The following RPS6KC1 variants were observed in gnomAD, a reference collection of about 807,000 sequenced individuals.
RPS6KC1 encodes ribosomal protein S6 kinase C1.
RPS6KC1 carries 54 observed loss-of-function variants against 103.8 expected under a neutral mutation model. That is an observed-to-expected ratio of 0.52 (90% CI 0.42 to 0.65). RPS6KC1 has a LOEUF of 0.65. RPS6KC1 is among the 30% of genes least tolerant of loss of function. RPS6KC1 has a pLI of 0.00. For synonymous variants in RPS6KC1, 439 were observed against 438.7 expected, an observed-to-expected ratio of 1.00 and a Z score of -0.01; for missense variants, 1,151 against 1,253.8, an observed-to-expected ratio of 0.92 and a Z score of 1.24.
chr1:213,636,106 A>G, the RPS6KC1 span, among the ~76,000 whole-genome samples: 21,331 of 152,158 alleles, frequency 0.14, 2,337 homozygotes, highest in African/African-American at 0.31. Flanking sequence ...CCACTGCTCA[A>G]GGAAATAAAA....
At chr1:213,361,171 G>A in the RPS6KC1 span, among the ~76,000 whole-genome samples, 2 of 152,224 alleles carry the variant, frequency 1.3e-5, no homozygotes, top group African/African-American at 4.8e-5. Context: ...GTCTACAGAG[G>A]TAGGCAGGCC....
the RPS6KC1 span, among the ~76,000 whole-genome samples, chr1:213,284,846 A>T: frequency 2.6e-5 from 4 of 152,336 alleles, no homozygotes; most frequent in South Asian, 8.3e-4. Context: ...AAAGCACATG[A>T]TTTACAAGGG....
At chr1:213,445,880 A>G in the RPS6KC1 span, among the ~76,000 whole-genome samples, 1 of 152,088 alleles carries the variant, frequency 6.6e-6, no homozygotes, top group African/African-American at 2.4e-5. Context: ...GGCTTTCCTA[A>G]TGGGAGGTGT....
chr1:213,366,349 A>G, the RPS6KC1 span, among the ~76,000 whole-genome samples: 1 of 152,258 alleles, frequency 6.6e-6, no homozygotes, highest in African/African-American at 2.4e-5. Flanking sequence ...GCATAGAACC[A>G]TAACAGCTGC....
chr1:213,664,360 A>G, the RPS6KC1 span, among the ~76,000 whole-genome samples: 67 of 152,298 alleles, frequency 4.4e-4, no homozygotes, highest in African/African-American at 1.5e-3. Context: ...ATTAAATCCA[A>G]GCATGGGGTC....
chr1:213,400,862 G>A, the RPS6KC1 span, among the ~76,000 whole-genome samples: 4 of 151,816 alleles, frequency 2.6e-5, no homozygotes, highest in Non-Finnish European at 5.9e-5. Context: ...ACACACCACC[G>A]TGCCTGGCTA....
the RPS6KC1 span, among the ~76,000 whole-genome samples, chr1:213,514,914 C>A: frequency 4.6e-5 from 7 of 152,234 alleles, no homozygotes; most frequent in African/African-American, 1.4e-4. Context: ...TTTTAATGAT[C>A]GCCATTCTAA....
At chr1:213,421,911 G>A in the RPS6KC1 span, among the ~76,000 whole-genome samples, 8 of 152,282 alleles carry the variant, frequency 5.3e-5, no homozygotes, top group Admixed American at 5.2e-4. Flanking sequence ...CAACCTCATG[G>A]GATTGAATTT....
the RPS6KC1 span, among the ~76,000 whole-genome samples, chr1:213,568,841 C>T: frequency 6.6e-6 from 1 of 152,154 alleles, no homozygotes; most frequent in Non-Finnish European, 1.5e-5. Context: ...TATTCAAGTG[C>T]TGATTTAGGG....
At chr1:213,754,046 C>T in the RPS6KC1 span, among the ~76,000 whole-genome samples, 8 of 152,040 alleles carry the variant, frequency 5.3e-5, no homozygotes, top group African/African-American at 1.2e-4. Context: ...TTGAATCCTT[C>T]GGCACACCCT....
the RPS6KC1 span, among the ~76,000 whole-genome samples, chr1:213,349,460 G>A: frequency 2.6e-5 from 4 of 152,164 alleles, 1 homozygote; most frequent in Non-Finnish European, 5.9e-5. Flanking sequence ...AGATGCTTAG[G>A]CAGCATCCGC....
At chr1:213,739,299 A>G in the RPS6KC1 span, among the ~76,000 whole-genome samples, 8 of 152,334 alleles carry the variant, frequency 5.3e-5, no homozygotes, top group Middle Eastern at 3.4e-3. Flanking sequence ...AATACAGTAT[A>G]TAATACATAT....
At chr1:213,759,460 C>T in the RPS6KC1 span, among the ~76,000 whole-genome samples, 2 of 152,132 alleles carry the variant, frequency 1.3e-5, no homozygotes, top group African/African-American at 4.8e-5. Flanking sequence ...ATTTCTGTTT[C>T]ATTTACTCAT....
chr1:213,763,783 T>C, the RPS6KC1 span, among the ~76,000 whole-genome samples: 3 of 152,176 alleles, frequency 2.0e-5, no homozygotes, highest in Non-Finnish European at 2.9e-5. Flanking sequence ...AGTGCTGATT[T>C]GCACTTCTTA....
chr1:213,203,576 G>C (rs1336053509), intron 8 of RPS6KC1, among the ~76,000 whole-genome samples: 1 of 151,820 alleles, frequency 6.6e-6, no homozygotes, highest in Non-Finnish European at 1.5e-5. Context: ...ATTTTCAGAA[G>C]CTCTTTTTAT....
the RPS6KC1 span, among the ~76,000 whole-genome samples, chr1:213,729,997 C>T: frequency 3.4e-4 from 51 of 152,084 alleles, no homozygotes; most frequent in African/African-American, 1.2e-3. Context: ...ATCATTTAGC[C>T]CCCACTTATA....
the RPS6KC1 span, among the ~76,000 whole-genome samples, chr1:213,486,658 T>A: frequency 6.6e-6 from 1 of 152,198 alleles, no homozygotes; most frequent in East Asian, 1.9e-4. Flanking sequence ...GCCCACTGTG[T>A]GATGACATCA....
Position 213,240,923 on chromosome 1 carries a change from G to T in RPS6KC1, c.1447G>T (p.Asp483Tyr). The stretch of plus-strand genomic sequence containing the variant: ...TAGTCTTACTCCAAGTTCTCAAGAT[G>T]ACAGCAACCAGGAAGATGATGGCCA... ...KSSLTPSSQD[D>Y]SNQEDDGQDS... is the part of the protein sequence containing the mutation. Residue 483 changes from aspartate (D) to tyrosine (Y), a missense_variant, in exon 11 of 15, where the codon GAC (aspartate) becomes TAC (tyrosine). Physicochemically the swap from Asp to Tyr is radical, Grantham distance 160. Coordinates refer to ENST00000366960, the MANE Select transcript of RPS6KC1 (RefSeq NM_012424.6). 6.2e-7 allele frequency: 1 copy of T among 1,613,832 alleles called. No individual in the cohort carries two copies. Among genetic ancestry groups the T allele is most frequent in the Non-Finnish European group, 8.5e-7 (1 of 1,179,894 alleles).
At chr1:213,311,852 T>C in the RPS6KC1 span, among the ~76,000 whole-genome samples, 3 of 151,756 alleles carry the variant, frequency 2.0e-5, no homozygotes, top group African/African-American at 7.3e-5. Flanking sequence ...GTAAGAGCAG[T>C]TCTTAGTGCT....
Sources: allele counts gnomAD v4.1 joint callset (sites outside exome capture counted in the v4.1 genomes callset), GRCh38; gene constraint gnomAD v4.1.1; transcripts MANE v1.5; gene names NCBI Gene and HGNC (gene_info 2026-07-23, HGNC 2026-07-21).